Variants in FAM185A observed in about 807,000 individuals in gnomAD.
FAM185A encodes the protein protein FAM185A.
Under a neutral mutation model 45.7 loss-of-function variants are expected in FAM185A, and 21 were observed. The ratio of observed to expected loss-of-function variants is 0.46; its 90% CI spans 0.33 to 0.66. The LOEUF is 0.66. Ranked by LOEUF, FAM185A falls within the 30% of genes least tolerant of loss-of-function variation. FAM185A has a pLI of 0.03. For synonymous variants in FAM185A, 117 were observed against 194.0 expected, an observed-to-expected ratio of 0.60 and a Z score of 3.30; for missense variants, 305 against 485.4, an observed-to-expected ratio of 0.63 and a Z score of 3.49.
chr7:102,849,080 T>C, the FAM185A span, among the ~76,000 whole-genome samples: 1 of 152,182 alleles, frequency 6.6e-6, no homozygotes. Context: ...GAACTTCTAA[T>C]ACGTCTGAAC....
At chr7:102,817,890 G>T in the FAM185A span, among the ~76,000 whole-genome samples, 1 of 152,146 alleles carries the variant, frequency 6.6e-6, no homozygotes, top group African/African-American at 2.4e-5. Flanking sequence ...TGCTGCAATG[G>T]TTACTCATTT....
chr7:102,789,577 C>T (rs527724720), intron 7 of FAM185A, among the ~76,000 whole-genome samples: 5 of 152,326 alleles, frequency 3.3e-5, no homozygotes, highest in Admixed American at 2.0e-4. Flanking sequence ...GGCGTGGTGG[C>T]GGGCGCCTGT....
At chr7:102,831,431 A>C in the FAM185A span, among the ~76,000 whole-genome samples, 354 of 147,232 alleles carry the variant, frequency 2.4e-3, 3 homozygotes, top group African/African-American at 6.1e-3. Context: ...ACACACACAC[A>C]CCCCACTACA....
downstream of FAM185A, chr7:102,813,465 A>G (rs76271897): frequency 1.5e-3 from 2,354 of 1,614,206 alleles, 1 homozygote; most frequent in Non-Finnish European, 1.9e-3. Context: ...AGCCAAACCA[A>G]CGTGGAGGGT....
At chr7:102,789,945 T>TTTCACC (rs1438220989) in intron 7 of FAM185A, among the ~76,000 whole-genome samples, 5 of 152,214 alleles carry the variant, frequency 3.3e-5, no homozygotes, top group Admixed American at 1.3e-4. Flanking sequence ...TCAGTATCAC[T>TTTCACC]TTCACCTCCA....
chr7:102,845,506 T>C, the FAM185A span, among the ~76,000 whole-genome samples: 1 of 152,150 alleles, frequency 6.6e-6, no homozygotes, highest in African/African-American at 2.4e-5. Flanking sequence ...TAGATCTTGG[T>C]AGTTCATAGG....
chr7:102,819,571 C>T, the FAM185A span, among the ~76,000 whole-genome samples: 2 of 152,198 alleles, frequency 1.3e-5, no homozygotes, highest in Non-Finnish European at 2.9e-5. Context: ...ACAGCCTCTT[C>T]TGACGGCTGT....
the FAM185A span, among the ~76,000 whole-genome samples, chr7:102,832,311 A>G: frequency 5.3e-5 from 8 of 152,236 alleles, no homozygotes; most frequent in African/African-American, 1.7e-4. Context: ...GGAGAATTCT[A>G]TAGGAAATCA....
At chr7:102,843,131 G>A in the FAM185A span, among the ~76,000 whole-genome samples, 1 of 152,128 alleles carries the variant, frequency 6.6e-6, no homozygotes, top group African/African-American at 2.4e-5. Context: ...GAAGATTAAG[G>A]GAGAGAAGGA....
chr7:102,777,634 TCAGTTTA>T, intron 6 of FAM185A, among the ~76,000 whole-genome samples: 1 of 152,370 alleles, frequency 6.6e-6, no homozygotes, highest in East Asian at 1.9e-4. Flanking sequence ...TGTGGATTTT[TCAGTTTA>T]TTCTATTCTG....
the FAM185A span, chr7:102,822,062 G>C: frequency 6.2e-7 from 1 of 1,614,164 alleles, no homozygotes; most frequent in Non-Finnish European, 8.5e-7. Flanking sequence ...GTGCAGTATT[G>C]CATCTTAAGG....
intron 2 of FAM185A, among the ~76,000 whole-genome samples, chr7:102,752,136 A>G (rs2129431630): frequency 6.6e-6 from 1 of 152,308 alleles, no homozygotes; most frequent in African/African-American, 2.4e-5. Context: ...GTAAGGAAGA[A>G]TCTTTATGCA....
chr7:102,800,822 CTG>C (rs1796746219), intron 7 of FAM185A, among the ~76,000 whole-genome samples: 1 of 152,134 alleles, frequency 6.6e-6, no homozygotes, highest in African/African-American at 2.4e-5. Context: ...GGGGGAATAA[CTG>C]AGGAAAACTT....
intron 5 of FAM185A, among the ~76,000 whole-genome samples, chr7:102,776,352 T>G (rs545588328): frequency 4.4e-4 from 67 of 152,120 alleles, no homozygotes; most frequent in Admixed American, 3.3e-3. Flanking sequence ...GCACTAACTC[T>G]TCAAGTTCAT....
the FAM185A span, among the ~76,000 whole-genome samples, chr7:102,832,361 C>G: frequency 9.7e-4 from 148 of 152,278 alleles, no homozygotes; most frequent in African/African-American, 3.2e-3. Flanking sequence ...CACTAAGGCC[C>G]TAGCTCAATG....
downstream of FAM185A, among the ~76,000 whole-genome samples, chr7:102,810,087 A>G (rs1281776504): frequency 6.6e-6 from 1 of 152,216 alleles, no homozygotes; most frequent in Non-Finnish European, 1.5e-5. Flanking sequence ...CGATGCTTTC[A>G]CAGCCTGCAG....
intron 7 of FAM185A, among the ~76,000 whole-genome samples, chr7:102,800,397 T>C (rs6975388): frequency 0.23 from 34,156 of 151,460 alleles, 4,655 homozygotes; most frequent in East Asian, 0.6. Context: ...CAAGAAGAAA[T>C]CCCTGATTTA....
the FAM185A span, among the ~76,000 whole-genome samples, chr7:102,841,878 T>C: frequency 1.3e-5 from 2 of 152,204 alleles, no homozygotes; most frequent in East Asian, 1.9e-4. Context: ...CAGATTTCCA[T>C]AGTAAAACTC....
At chr7:102,826,753 ATATATATATATATATATATG>A in the FAM185A span, among the ~76,000 whole-genome samples, 2 of 112,254 alleles carry the variant, frequency 1.8e-5, no homozygotes, top group East Asian at 3.1e-4. Flanking sequence ...ATATATATAT[ATATATATATATATATATATG>A]TATATATATC....
Sources: allele counts gnomAD v4.1 joint callset (sites outside exome capture counted in the v4.1 genomes callset), GRCh38; gene constraint gnomAD v4.1.1; transcripts MANE v1.5; gene names NCBI Gene and HGNC (gene_info 2026-07-23, HGNC 2026-07-21).